PRKN: variants seen among roughly 807,000 people sequenced by gnomAD.
PRKN encodes the protein parkin RBR E3 ubiquitin protein ligase.
PRKN carries 56 observed loss-of-function variants against 59.5 expected under a neutral mutation model. The ratio of observed to expected loss-of-function variants is 0.94; its 90% confidence interval spans 0.76 to 1.18. The LOEUF (loss-of-function observed/expected upper bound fraction) is 1.18, where lower values mean the gene tolerates loss of function less well. Ranked by LOEUF, PRKN falls within the 50% of genes most tolerant of loss-of-function variation. The pLI is 0.00. For synonymous variants in PRKN, 250 were observed against 222.1 expected (o/e 1.13, Z -1.12); for missense variants, 657 against 596.4 (o/e 1.10, Z -1.06).
At position 161,456,404 on chromosome 6, in the gene PRKN, G is replaced by T. The variant is rs556127018; in HGVS notation, c.1084-69527C>A. On this transcript the variant is annotated intron_variant, in intron 9 of 11. Coordinates refer to ENST00000366898, the MANE Select transcript of PRKN (RefSeq NM_004562.3). The surrounding 1 kb of genome is among the most constrained non-coding windows in gnomAD (Gnocchi z 4.8). ...GACCTACACCAGTGGTTTGCCAGGG[G>T]CTCTCAGGCCTTTGGCCACAGACTG... Among the ~76,000 whole-genome samples the T allele has an allele frequency of 1.3e-5, 2 of 152,302 alleles. No homozygotes were observed. Among genetic ancestry groups the T allele is most frequent in the Admixed American group, 1.3e-4 (2 of 15,292 alleles).
At position 161,552,824 on chromosome 6, in the gene PRKN, C is replaced by T. The variant is rs1157101047; in HGVS notation, c.934-3821G>A. ...TGTTTTTTTTTTTTAGACGGAGTCT[C>T]GTTGTTACGCGGCTGGAGTACAGTG... On this transcript the variant is annotated intron_variant, in intron 8 of 11. Coordinates refer to ENST00000366898, the MANE Select transcript of PRKN (RefSeq NM_004562.3). The surrounding 1 kb of genome is among the most constrained non-coding windows in gnomAD (Gnocchi z 4.9). Among the ~76,000 whole-genome samples, 4 of 144,636 alleles carry T rather than the reference C, an allele frequency of 2.8e-5. No individual in the cohort carries two copies. The highest frequency in any genetic ancestry group is 1.5e-5 in the Non-Finnish European group (1 of 66,608). 94.9% of individuals were successfully genotyped at this position (144,636 alleles called of 152,430 possible).
chr6:161,691,162 G>A (rs1412036317), intron 7 of PRKN, among the ~76,000 whole-genome samples: 1 of 152,050 alleles, frequency 6.6e-6, no homozygotes, highest in Non-Finnish European at 1.5e-5. Context: ...TTTCTCCAGA[G>A]AGCCTTAACA....
In PRKN at chr6:161,442,928, A is replaced by G. The variant is rs1256464923; in HGVS notation, c.1084-56051T>C. ...GTCCACGCTGCTCCTCAGGCAAGCC[A>G]TTCTCCCCAGTGCACAGATGAGGAA... On this transcript the variant is annotated intron_variant, in intron 9 of 11. Transcript: ENST00000366898. This position sits in a 1 kb window ranked among gnomAD's most constrained non-coding sequence, Gnocchi z 4.6. Among the ~76,000 whole-genome samples, 1 of 152,188 alleles carries G rather than the reference A, an allele frequency of 6.6e-6. No homozygotes were observed. Among genetic ancestry groups the G allele is most frequent in the East Asian group, 1.9e-4 (1 of 5,196 alleles).
intron 1 of PRKN, among the ~76,000 whole-genome samples, chr6:162,720,309 A>G (rs1276444422): frequency 6.6e-6 from 1 of 152,172 alleles, no homozygotes; most frequent in Non-Finnish European, 1.5e-5. Context: ...TCTCTCCTCC[A>G]AAGTTAAGGG....
At chr6:161,594,299 C>T (rs755907613) in intron 7 of PRKN, among the ~76,000 whole-genome samples, 19 of 152,324 alleles carry the variant, frequency 1.2e-4, no homozygotes, top group Non-Finnish European at 2.6e-4. Flanking sequence ...GTCTCCTCTT[C>T]CTCCCAGATC....
intron 2 of PRKN, among the ~76,000 whole-genome samples, chr6:162,414,551 C>CA (rs894556239): frequency 8.7e-4 from 129 of 147,544 alleles, no homozygotes; most frequent in African/African-American, 2.8e-3. Context: ...TACTAAAATA[C>CA]AAAAAAAAAA....
intron 1 of PRKN, among the ~76,000 whole-genome samples, chr6:162,494,447 A>C (rs986524964): frequency 6.6e-6 from 1 of 151,622 alleles, no homozygotes; most frequent in African/African-American, 2.4e-5. Flanking sequence ...GCTCTCCCCC[A>C]CTTCATATCA....
intron 2 of PRKN, among the ~76,000 whole-genome samples, chr6:162,439,228 C>T (rs1397808890): frequency 6.6e-6 from 1 of 152,016 alleles, no homozygotes; most frequent in Non-Finnish European, 1.5e-5. Context: ...TTCTATGTTG[C>T]TAGGCAGCCC....
At chr6:162,069,297 T>C (rs1169971544) in intron 4 of PRKN, among the ~76,000 whole-genome samples, 6 of 152,292 alleles carry the variant, frequency 3.9e-5, no homozygotes, top group East Asian at 1.9e-4. Context: ...GCCACCACCA[T>C]GTAAGAAGTG....
chr6:161,466,705 C>T lies in PRKN; in HGVS notation c.1084-79828G>A, dbSNP rs1790495261. Among the ~76,000 whole-genome samples, 1 of 151,960 alleles carries T rather than the reference C, an allele frequency of 6.6e-6. No individual in the cohort carries two copies. Among genetic ancestry groups the T allele is most frequent in the Admixed American group, 6.6e-5 (1 of 15,262 alleles). On this transcript the variant is annotated intron_variant, in intron 9 of 11. Transcript: ENST00000366898. The surrounding 1 kb of genome is among the most constrained non-coding windows in gnomAD (Gnocchi z 5.0). ...GCCATACTGCTAGGGCAAACATCCA[C>T]ACACAGACACACAGACATACAAACA...
chr6:161,813,757 T>A (rs1312237780), intron 6 of PRKN, among the ~76,000 whole-genome samples: 1 of 152,134 alleles, frequency 6.6e-6, no homozygotes, highest in African/African-American at 2.4e-5. Context: ...CTGCTACAGA[T>A]CCTCTTGGCC....
chr6:162,600,947 T>C (rs2803058), intron 1 of PRKN, among the ~76,000 whole-genome samples: 51,675 of 152,114 alleles, frequency 0.34, 10,354 homozygotes, highest in Non-Finnish European at 0.46. Flanking sequence ...GACATTTCTT[T>C]ATAGTAGCGT....
At chr6:161,913,030 T>A (rs1474841932) in intron 6 of PRKN, among the ~76,000 whole-genome samples, 1 of 151,810 alleles carries the variant, frequency 6.6e-6, no homozygotes, top group East Asian at 1.9e-4. Context: ...TACAAAAAAT[T>A]AGCCTGGCAT....
At chr6:161,726,455 T>C (rs1202030861) in intron 7 of PRKN, among the ~76,000 whole-genome samples, 2 of 152,220 alleles carry the variant, frequency 1.3e-5, no homozygotes, top group African/African-American at 4.8e-5. Context: ...GCTTAGTAAG[T>C]GTGGGTTTCC....
At chr6:161,478,645 G>A (rs917410997) in intron 9 of PRKN, among the ~76,000 whole-genome samples, 3 of 152,138 alleles carry the variant, frequency 2.0e-5, no homozygotes, top group African/African-American at 7.2e-5. Context: ...AGGGGTTTGA[G>A]GCCAGCCTGG....
intron 4 of PRKN, among the ~76,000 whole-genome samples, chr6:162,092,421 C>T (rs573414419): frequency 2.0e-5 from 3 of 152,204 alleles, no homozygotes; most frequent in South Asian, 4.1e-4. Flanking sequence ...TTTGTTTTGA[C>T]GAAGTAACAT....
At chr6:161,752,138 G>T (rs1317098357) in intron 7 of PRKN, among the ~76,000 whole-genome samples, 1 of 152,226 alleles carries the variant, frequency 6.6e-6, no homozygotes, top group African/African-American at 2.4e-5. Flanking sequence ...TCAGGAGGCT[G>T]AGGTGGGTGG....
At position 161,385,554 on chromosome 6, in the gene PRKN, C is replaced by T. The variant is rs138196949; in HGVS notation, c.1167+1240G>A. Among the ~76,000 whole-genome samples, 698 of 152,314 alleles carry T rather than the reference C, an allele frequency of 4.6e-3. 3 individuals are homozygous for T. Among genetic ancestry groups the T allele is most frequent in the Non-Finnish European group, 6.9e-3 (469 of 68,038 alleles). On this transcript the variant is annotated intron_variant, in intron 10 of 11. Coordinates refer to ENST00000366898, the MANE Select transcript of PRKN (RefSeq NM_004562.3). This position sits in a 1 kb window ranked among gnomAD's most constrained non-coding sequence, Gnocchi z 4.9. Reference sequence around the variant, plus strand: ...TTTAGGTTAAGCAATGCTCTTCTTTCCCTTACAGCTACTGTTTCCAAATAA... The same window carrying T: ...TTTAGGTTAAGCAATGCTCTTCTTTTCCTTACAGCTACTGTTTCCAAATAA...
At chr6:161,938,510 C>G (rs572573405) in intron 6 of PRKN, among the ~76,000 whole-genome samples, 1 of 152,248 alleles carries the variant, frequency 6.6e-6, no homozygotes, top group South Asian at 2.1e-4. Flanking sequence ...AATTAACAGT[C>G]CTACCACCAC....
Sources: allele counts gnomAD v4.1 joint callset (sites outside exome capture counted in the v4.1 genomes callset), GRCh38; gene constraint gnomAD v4.1.1; non-coding constraint Gnocchi (gnomAD v3.1); transcripts MANE v1.5; gene names NCBI Gene and HGNC (gene_info 2026-07-23, HGNC 2026-07-21).